DNAH3: variants seen among roughly 807,000 people sequenced by gnomAD.
The protein encoded by DNAH3 is dynein axonemal heavy chain 3.
In DNAH3, 332 loss-of-function variants were observed where a neutral mutation model predicts 432.5. The ratio of observed to expected loss-of-function variants is 0.77; its 90% confidence interval spans 0.70 to 0.84. DNAH3 has a LOEUF of 0.84. Among genes scored for constraint, DNAH3 ranks in the 40% least tolerant of loss-of-function variants. The pLI is 0.00. For synonymous variants in DNAH3, 1,956 were observed against 1,900.2 expected (o/e 1.03, Z -0.76); for missense variants, 4,861 against 5,114.0 (o/e 0.95, Z 1.51).
intron 54 of DNAH3, among the ~76,000 whole-genome samples, chr16:20,956,076 C>T (rs1235608085): frequency 6.6e-6 from 1 of 151,798 alleles, no homozygotes; most frequent in Non-Finnish European, 1.5e-5. Context: ...TACAGGTGCC[C>T]GCCACTATGC....
At chr16:20,991,999 T>C (rs1487448446) in intron 44 of DNAH3, among the ~76,000 whole-genome samples, 1 of 152,214 alleles carries the variant, frequency 6.6e-6, no homozygotes, top group Non-Finnish European at 1.5e-5. Context: ...TCAACCACTA[T>C]TTGGTTATAC....
chr16:21,003,145 A>G, exon 42 of DNAH3: 2 of 1,613,104 alleles, frequency 1.2e-6, no homozygotes, highest in Non-Finnish European at 8.5e-7. Context: ...TTGGTGATAT[A>G]CTGTGTCCAC....
chr16:21,045,157 T>A (rs2089636282), intron 31 of DNAH3, among the ~76,000 whole-genome samples: 4 of 150,618 alleles, frequency 2.7e-5, no homozygotes, highest in South Asian at 4.2e-4. Flanking sequence ...TGTCTCTGCC[T>A]GGCTTTGGTA....
At chr16:20,975,265 T>C (rs2085532937) in exon 51 of DNAH3, 2 of 1,613,998 alleles carry the variant, frequency 1.2e-6, no homozygotes, top group Non-Finnish European at 1.7e-6. Flanking sequence ...GCAGCAACAT[T>C]GGCTTCTTTT....
rs144917466 is a variant in DNAH3 at position 20,965,165 on chromosome 16, G to A, written c.8719C>T (p.Arg2907Ter). 19 of 1,613,750 alleles carry A rather than the reference G, an allele frequency of 1.2e-5. No individual in the cohort carries two copies. Among genetic ancestry groups the A allele is most frequent in the East Asian group, 2.2e-5 (1 of 44,894 alleles). The change falls in exon 53 of 62, where the codon CGA (arginine) becomes TGA (stop). Residue 2907 changes from arginine to a stop codon, truncating the protein, a stop_gained. Coordinates refer to ENST00000261383, the Ensembl canonical transcript of DNAH3. LOFTEE classifies it high-confidence loss of function. The stretch of plus-strand genomic sequence containing the variant: ...AGCTTCCCCTCTGCCTCCCTCAGTC[G>A]CTCCCGTTTGGGAGCCACCACCTTG...
Position 20,954,800 on chromosome 16 carries a change from T to G in DNAH3, c.11071+13A>C. The G allele has an allele frequency of 1.2e-6, 2 of 1,613,048 alleles. No homozygotes were observed. Among genetic ancestry groups the G allele is most frequent in the Non-Finnish European group, 8.5e-7 (1 of 1,179,380 alleles). The stretch of plus-strand genomic sequence containing the variant: ...TTTCCCTCAGGCCACTCAGGTGCAC[T>G]GTCATCGCTTACCTAGGGGGCCGAA... On this transcript the variant is annotated intron_variant, in intron 55 of 61. Coordinates refer to ENST00000261383, the Ensembl canonical transcript of DNAH3.
rs2086245306 is a variant in DNAH3, at chr16:20,987,324, A to G, written c.7007T>C (p.Phe2336Ser). The G allele has an allele frequency of 4.3e-6, 7 of 1,614,068 alleles. No individual in the cohort carries two copies. In the Admixed American group the frequency reaches 1.0e-4, roughly 23 times the overall value. ...GTTTACCTTCTCTATGGTCTGCTTG[A>G]AGCAATTGGAGGTGGTTTCCTTCAC... is the stretch of plus-strand genomic sequence containing the variant. The change falls in exon 47 of 62, where the codon TTC becomes TCC. Residue 2336 changes from phenylalanine to serine, a missense_variant. Transcript: ENST00000261383.
At chr16:21,155,292 T>C (rs1238751363) in intron 1 of DNAH3, among the ~76,000 whole-genome samples, 1 of 151,950 alleles carries the variant, frequency 6.6e-6, no homozygotes, top group Non-Finnish European at 1.5e-5. Context: ...AGGTGCCCAG[T>C]TAAATTAGAG....
rs2085384062 is a variant in DNAH3 at position 20,972,405 on chromosome 16, TTA to T, written c.8260-2417_8260-2416del. Among the ~76,000 whole-genome samples, 7 of 152,148 alleles carry T rather than the reference TTA, an allele frequency of 4.6e-5. No homozygotes were observed. In the South Asian group the frequency reaches 1.5e-3, roughly 32 times the overall value. On this transcript the variant is annotated intron_variant, in intron 51 of 61. Transcript: ENST00000261383. ...CTGCACCTGACCAATTTTTTTCTTT[TTA>T]GTTTTTTGCAGAGAAGAGTTTTCAC...
exon 53 of DNAH3, chr16:20,964,760 T>C (rs1427998212): frequency 6.2e-7 from 1 of 1,614,180 alleles, no homozygotes; most frequent in Non-Finnish European, 8.5e-7. Context: ...AACGTGTGGC[T>C]GAGACTGAAG....
At chr16:21,124,317 C>T (rs759862861) in intron 9 of DNAH3, among the ~76,000 whole-genome samples, 1 of 152,154 alleles carries the variant, frequency 6.6e-6, no homozygotes, top group Admixed American at 6.5e-5. Context: ...AAAAATGATT[C>T]CTTCTCCCCA....
At chr16:21,017,764 G>A (rs1449281763) in intron 41 of DNAH3, among the ~76,000 whole-genome samples, 1 of 152,168 alleles carries the variant, frequency 6.6e-6, no homozygotes, top group Non-Finnish European at 1.5e-5. Context: ...CAAATGAAGT[G>A]TGCAAGCTGT....
At chr16:21,134,934 C>T (rs1000043050) in intron 6 of DNAH3, among the ~76,000 whole-genome samples, 2 of 152,058 alleles carry the variant, frequency 1.3e-5, no homozygotes, top group East Asian at 1.9e-4. Context: ...GTGATCCACC[C>T]GCCTCGGCCT....
intron 58 of DNAH3, among the ~76,000 whole-genome samples, chr16:20,943,182 G>C (rs982760680): frequency 1.3e-5 from 2 of 151,994 alleles, no homozygotes; most frequent in African/African-American, 2.4e-5. Context: ...CCAGAATCAA[G>C]CGATCCTCCC....
chr16:21,100,209 T>C (rs947328391), intron 16 of DNAH3, among the ~76,000 whole-genome samples: 4 of 152,120 alleles, frequency 2.6e-5, no homozygotes, highest in African/African-American at 4.8e-5. Context: ...GTAGCTGAGA[T>C]TATAGGTGCC....
chr16:21,024,485 C>T (rs1273471150), intron 39 of DNAH3, 111 bp downstream of exon 39: 2 of 716,034 alleles, frequency 2.8e-6, no homozygotes, highest in Non-Finnish European at 4.5e-6. Flanking sequence ...AGGGAATTCC[C>T]TGCCCCTTGT....
exon 55 of DNAH3, chr16:20,954,969 G>T (rs34771199): frequency 0.024 from 38,982 of 1,614,176 alleles, 552 homozygotes; most frequent in African/African-American, 0.051. Context: ...TTGGCCCGGA[G>T]CCCTTTGGGG....
At chr16:21,153,656 C>T (rs914103147) in intron 1 of DNAH3, among the ~76,000 whole-genome samples, 2 of 152,182 alleles carry the variant, frequency 1.3e-5, no homozygotes, top group East Asian at 3.9e-4. Context: ...TGCAGCTTCA[C>T]TCCTGCGCCA....
chr16:20,979,447 G>A (rs759737465), exon 50 of DNAH3: 6 of 1,614,146 alleles, frequency 3.7e-6, no homozygotes, highest in Non-Finnish European at 5.1e-6. Context: ...ATTCAAGGTA[G>A]GAGGTGGGGG....
Sources: gnomAD v4.1 joint callset for allele counts (sites outside exome capture counted in the v4.1 genomes callset) on GRCh38, gnomAD v4.1.1 for gene constraint, MANE v1.5 for transcripts, NCBI Gene and HGNC (gene_info 2026-07-23, HGNC 2026-07-21) for gene names.